The following ADGRB3 variants were observed in gnomAD, a reference collection of about 807,000 sequenced individuals.
ADGRB3 encodes the protein adhesion G protein-coupled receptor B3, also known as brain-specific angiogenesis inhibitor 3.
ADGRB3 carries 37 observed loss-of-function variants against 193.4 expected under a neutral mutation model. The observed-to-expected ratio is 0.19, with a 90% CI of 0.15 to 0.25. The LOEUF (loss-of-function observed/expected upper bound fraction) is 0.25. ADGRB3 is among the 10% of genes least tolerant of loss of function. The probability of loss-of-function intolerance (pLI) is 1.00; values close to 1 mark genes in which losing one functional copy is unlikely to be tolerated. For synonymous variants in ADGRB3, 690 were observed against 644.2 expected, an observed-to-expected ratio of 1.07 and a Z score of -1.08; for missense variants, 1,637 against 1,852.9, an observed-to-expected ratio of 0.88 and a Z score of 2.14.
chr6:69,051,854 A>G (rs1247430995), intron 15 of ADGRB3, among the ~76,000 whole-genome samples: 4 of 152,182 alleles, frequency 2.6e-5, no homozygotes, highest in Admixed American at 2.6e-4. Context: ...AACTCTCAGA[A>G]CAGTTCTTAA....
rs1469937303 is a variant in ADGRB3, at chr6:68,654,643, C to T, written c.757+15211C>T. On this transcript the variant is annotated intron_variant, in intron 3 of 31. Coordinates refer to ENST00000370598, the MANE Select transcript of ADGRB3 (RefSeq NM_001704.3). ...ATATATGGCATTAAATGCTCACAAG[C>T]AGTCTATGCATATATTATTTGAAAA... Among the ~76,000 whole-genome samples the T allele has an allele frequency of 2.0e-5, 3 of 151,752 alleles. No individual in the cohort carries two copies. The East Asian group carries it at 5.8e-4, about 29-fold the overall frequency.
At chr6:68,790,037 T>G (rs918754846) in intron 3 of ADGRB3, among the ~76,000 whole-genome samples, 2 of 152,200 alleles carry the variant, frequency 1.3e-5, no homozygotes, top group African/African-American at 4.8e-5. Context: ...CATTGGTTAT[T>G]CTAGTTATCT....
intron 3 of ADGRB3, among the ~76,000 whole-genome samples, chr6:68,759,492 A>T (rs1272177300): frequency 6.6e-6 from 1 of 152,018 alleles, no homozygotes; most frequent in East Asian, 1.9e-4. Context: ...TTCACTATTA[A>T]TTCCTATCTT....
chr6:68,876,137 C>G (rs1026194550), intron 3 of ADGRB3, among the ~76,000 whole-genome samples: 1 of 152,088 alleles, frequency 6.6e-6, no homozygotes, highest in African/African-American at 2.4e-5. Flanking sequence ...ACCAATCAGA[C>G]AGACACAGTC....
At chr6:69,073,105 G>A (rs1056626367) in intron 16 of ADGRB3, among the ~76,000 whole-genome samples, 9 of 152,142 alleles carry the variant, frequency 5.9e-5, no homozygotes, top group Admixed American at 5.9e-4. Flanking sequence ...ATTTATGTAA[G>A]CATTTTGCTT....
chr6:69,062,952 T>C lies in ADGRB3; in HGVS notation c.2352T>C (p.Asn784=). 6.2e-7 allele frequency: 1 copy of C among 1,611,200 alleles called. No homozygotes were observed. The highest frequency in any genetic ancestry group is 8.5e-7 in the Non-Finnish European group (1 of 1,177,946). ...LPTLRNYTVI[N]SKIIVVTIRP... is the part of the protein sequence containing the mutation. The stretch of plus-strand genomic sequence containing the variant: ...GTTGCAGAAATTATACTGTCATTAA[T>C]TCCAAAATCATCGTGGTCACAATAA... The change falls in exon 16 of 32, where the codon AAT becomes AAC. Residue 784 remains asparagine (N), a synonymous_variant. Transcript: ENST00000370598.
intron 3 of ADGRB3, among the ~76,000 whole-genome samples, chr6:68,719,487 G>A (rs773846923): frequency 5.7e-4 from 87 of 151,846 alleles, no homozygotes; most frequent in Admixed American, 8.6e-4. Flanking sequence ...GAGTGAGAGC[G>A]TAAGATAAAT....
intron 3 of ADGRB3, among the ~76,000 whole-genome samples, chr6:68,885,828 C>T (rs1306007581): frequency 5.9e-5 from 9 of 152,040 alleles, no homozygotes; most frequent in Admixed American, 5.9e-4. Flanking sequence ...CCAGGGAAAA[C>T]CTGACAAAGG....
intron 17 of ADGRB3, among the ~76,000 whole-genome samples, chr6:69,210,452 G>A (rs897967750): frequency 2.6e-5 from 4 of 151,868 alleles, no homozygotes; most frequent in South Asian, 2.1e-4. Context: ...CCCCGCCTAC[G>A]GACTCAAATG....
intron 13 of ADGRB3, among the ~76,000 whole-genome samples, chr6:69,046,150 C>A (rs1337851372): frequency 2.0e-5 from 3 of 152,094 alleles, no homozygotes; most frequent in Non-Finnish European, 4.4e-5. Context: ...TGTATAGAGA[C>A]AGAGAAATTA....
intron 17 of ADGRB3, among the ~76,000 whole-genome samples, chr6:69,168,375 A>T (rs1334925692): frequency 1.3e-5 from 2 of 152,200 alleles, no homozygotes; most frequent in South Asian, 4.1e-4. Context: ...TCTATCAAAA[A>T]GCAACAAATA....
intron 20 of ADGRB3, among the ~76,000 whole-genome samples, chr6:69,285,643 C>A (rs1308496842): frequency 6.6e-6 from 1 of 152,016 alleles, no homozygotes; most frequent in African/African-American, 2.4e-5. Flanking sequence ...TGCACTCCAG[C>A]CTGGGCAACA....
intron 17 of ADGRB3, among the ~76,000 whole-genome samples, chr6:69,077,498 GAAAGTGTTAGTTATTCCA>G (rs1236752356): frequency 2.6e-5 from 4 of 151,780 alleles, no homozygotes; most frequent in Admixed American, 2.0e-4. Flanking sequence ...CTAAACGGGG[GAAAGTGTTAGTTATTCCA>G]AAAGCCCCTT....
At chr6:68,948,692 G>A (rs1219277887) in intron 6 of ADGRB3, among the ~76,000 whole-genome samples, 1 of 152,014 alleles carries the variant, frequency 6.6e-6, no homozygotes. Flanking sequence ...TGTTTTCAGC[G>A]TGGACACTTC....
At chr6:68,724,662 TA>T (rs1197788085) in intron 3 of ADGRB3, among the ~76,000 whole-genome samples, 4 of 125,728 alleles carry the variant, frequency 3.2e-5, no homozygotes, top group African/African-American at 9.8e-5. Context: ...CAAAAACCCA[TA>T]TTTTTTTTTT....
rs576201494 is a variant in ADGRB3, at chr6:68,736,446, T to G, written c.757+97014T>G. Among the ~76,000 whole-genome samples the G allele has an allele frequency of 5.0e-3, 765 of 152,264 alleles. 5 individuals are homozygous for G. Among genetic ancestry groups the G allele is most frequent in the Non-Finnish European group, 7.9e-3 (534 of 68,016 alleles). On this transcript the variant is annotated intron_variant, in intron 3 of 31. Transcript: ENST00000370598. ...TTGCTGATGTCAGTTGACAGCAAGGTTTGTTTTCCCACAGTGTGAGTGTCT... is the reference window on the plus strand; with the variant it reads ...TTGCTGATGTCAGTTGACAGCAAGGGTTGTTTTCCCACAGTGTGAGTGTCT...
intron 26 of ADGRB3, among the ~76,000 whole-genome samples, chr6:69,339,919 C>G (rs530495423): frequency 6.6e-6 from 1 of 152,282 alleles, no homozygotes; most frequent in African/African-American, 2.4e-5. Flanking sequence ...TTTCTTCACA[C>G]AGCACACCCT....
intron 10 of ADGRB3, among the ~76,000 whole-genome samples, chr6:68,982,028 G>A (rs991645959): frequency 6.6e-6 from 1 of 151,968 alleles, no homozygotes; most frequent in Admixed American, 6.6e-5. Context: ...TGGGATTACA[G>A]GCGCCTGCCA....
intron 3 of ADGRB3, among the ~76,000 whole-genome samples, chr6:68,770,749 G>T (rs1034805740): frequency 6.6e-6 from 1 of 152,058 alleles, no homozygotes; most frequent in African/African-American, 2.4e-5. Flanking sequence ...GAGGTTTGAG[G>T]TGGGGCTAAT....
Sources: allele counts gnomAD v4.1 joint callset (sites outside exome capture counted in the v4.1 genomes callset), GRCh38; gene constraint gnomAD v4.1.1; transcripts MANE v1.5; gene names NCBI Gene and HGNC (gene_info 2026-07-23, HGNC 2026-07-21).